SLC5A7: variants seen among roughly 807,000 people sequenced by gnomAD.
SLC5A7 encodes high affinity choline transporter 1.
A neutral mutation model predicts 55.4 loss-of-function variants in SLC5A7; 19 were observed. That is an observed-to-expected ratio of 0.34 (90% confidence interval 0.24 to 0.50). The LOEUF (loss-of-function observed/expected upper bound fraction) is 0.50. Among genes scored for constraint, SLC5A7 ranks in the 20% least tolerant of loss-of-function variants. SLC5A7 has a pLI of 0.98. For synonymous variants in SLC5A7, 265 were observed against 263.7 expected (o/e 1.00, Z -0.05); for missense variants, 506 against 705.3 (o/e 0.72, Z 3.20).
At chr2:108,007,173 C>T (rs746105018) in intron 7 of SLC5A7, among the ~76,000 whole-genome samples, 4 of 151,986 alleles carry the variant, frequency 2.6e-5, no homozygotes, top group African/African-American at 7.3e-5. Flanking sequence ...GCATCTTCTA[C>T]GTAGAGGTAA....
At chr2:108,002,659 T>C (rs947222001) in intron 6 of SLC5A7, among the ~76,000 whole-genome samples, 3 of 152,276 alleles carry the variant, frequency 2.0e-5, no homozygotes, top group Middle Eastern at 3.4e-3. Context: ...GACCAGATTT[T>C]ACGACTGTGC....
intron 3 of SLC5A7, 70 bp downstream of exon 3, chr2:107,992,289 G>A: frequency 4.6e-6 from 4 of 863,730 alleles, no homozygotes; most frequent in Admixed American, 2.3e-5. Context: ...AATAACAAGT[G>A]GAATAACAAG....
At position 108,001,983 on chromosome 2, in the gene SLC5A7, G is replaced by T; in HGVS notation, c.684G>T (p.Trp228Cys). 1 of 1,614,202 alleles carries T rather than the reference G, an allele frequency of 6.2e-7. No homozygotes were observed. The highest frequency in any genetic ancestry group is 8.5e-7 in the Non-Finnish European group (1 of 1,180,038). Reference sequence around the variant, plus strand: ...TGCATGCCAAATACCAAAAGCCGTGGCTGGGAACTGTTGACTCATCTGAAG... The same window carrying T: ...TGCATGCCAAATACCAAAAGCCGTGTCTGGGAACTGTTGACTCATCTGAAG... ...TAVHAKYQKPWLGTVDSSEVY... is the reference protein window; with the variant it reads ...TAVHAKYQKPCLGTVDSSEVY... Residue 228 changes from tryptophan to cysteine, a missense_variant, in exon 6 of 9, where the codon TGG becomes TGT. Transcript: ENST00000264047.
At chr2:107,991,533 G>A (rs530092364) in intron 2 of SLC5A7, among the ~76,000 whole-genome samples, 4 of 152,176 alleles carry the variant, frequency 2.6e-5, no homozygotes, top group Admixed American at 6.5e-5. Context: ...TCCCCAGAGT[G>A]TTCAAGAAAA....
At chr2:107,991,608 C>T (rs1014387189) in intron 2 of SLC5A7, among the ~76,000 whole-genome samples, 3 of 152,100 alleles carry the variant, frequency 2.0e-5, no homozygotes, top group Non-Finnish European at 4.4e-5. Flanking sequence ...CATGTGTACA[C>T]ACATGTACGT....
rs184842836 is a variant in SLC5A7, at chr2:107,999,482, A to T, written c.597+1496A>T. ...GTGCATAAATCAAGTATGCAAGTGTAAAGATGACAGTGCAAATATGTTAGA... is the reference window on the plus strand; with the variant it reads ...GTGCATAAATCAAGTATGCAAGTGTTAAGATGACAGTGCAAATATGTTAGA... On this transcript the variant is annotated intron_variant, in intron 5 of 8. Transcript: ENST00000264047. Among the ~76,000 whole-genome samples the T allele has an allele frequency of 5.6e-4, 85 of 152,216 alleles. 8 individuals carry two copies. The highest frequency in any genetic ancestry group is 2.4e-5 in the African/African-American group (1 of 41,470).
At position 108,008,783 on chromosome 2, in the gene SLC5A7, C is replaced by A. The variant is rs576732340; in HGVS notation, c.1113+101C>A. 3.3e-5 allele frequency: 27 copies of A among 807,248 alleles called. No individual in the cohort carries two copies. In the South Asian group the frequency reaches 6.7e-4, roughly 20 times the overall value. 50.0% of individuals were successfully genotyped at this position (807,248 alleles called of 1,614,324 possible). A position where few individuals can be genotyped will look rare whatever the true frequency, so the allele number is the denominator to read the frequency against. ...ACAGTATTATATATTTATTAATATT[C>A]TATGTTAAATCTGACTGTACTTTAA... On this transcript the variant is annotated intron_variant, in intron 8 of 8. Transcript: ENST00000264047.
intron 2 of SLC5A7, among the ~76,000 whole-genome samples, chr2:107,989,120 G>A (rs957264516): frequency 6.6e-6 from 1 of 152,062 alleles, no homozygotes; most frequent in Admixed American, 6.6e-5. Flanking sequence ...CTTCTTGGTC[G>A]TTGAAAATAA....
intron 2 of SLC5A7, among the ~76,000 whole-genome samples, chr2:107,991,343 A>G (rs892708533): frequency 6.6e-6 from 1 of 152,218 alleles, no homozygotes; most frequent in African/African-American, 2.4e-5. Flanking sequence ...GCAAGTATGT[A>G]TGCAGTTCAC....
intron 6 of SLC5A7, 80 bp downstream of exon 6, chr2:108,002,120 G>A (rs1332994523): frequency 9.3e-6 from 14 of 1,513,312 alleles, no homozygotes; most frequent in African/African-American, 1.4e-5. Flanking sequence ...CATATTCATA[G>A]TAAAAAAATG....
intron 5 of SLC5A7, among the ~76,000 whole-genome samples, chr2:108,001,250 T>C (rs2104362097): frequency 6.6e-6 from 1 of 151,960 alleles, no homozygotes; most frequent in South Asian, 2.1e-4. Flanking sequence ...CAGAGATAGA[T>C]AGATGATAGA....
intron 1 of SLC5A7, among the ~76,000 whole-genome samples, 168 bp downstream of exon 1, chr2:107,986,931 C>T (rs1055175083): frequency 5.9e-5 from 9 of 151,994 alleles, no homozygotes; most frequent in Admixed American, 5.9e-4. Flanking sequence ...GTGCAAGAGG[C>T]TACAAAGTCT....
At chr2:108,003,539 T>G (rs1677996641) in intron 6 of SLC5A7, among the ~76,000 whole-genome samples, 2 of 152,208 alleles carry the variant, frequency 1.3e-5, no homozygotes. Context: ...GTTGCATCAA[T>G]GGTCTTGATC....
chr2:107,991,462 ATAACT>A (rs1315091740), intron 2 of SLC5A7, among the ~76,000 whole-genome samples: 1 of 152,174 alleles, frequency 6.6e-6, no homozygotes, highest in Admixed American at 6.5e-5. Context: ...TTCACTCCTA[ATAACT>A]TAAGGTAGTA....
Position 108,013,492 on chromosome 2 carries a change from A to G in SLC5A7, c.*2631A>G, listed in dbSNP as rs1678419165. On this transcript the variant is annotated 3_prime_UTR_variant, in exon 9 of 9. Transcript: ENST00000264047. ...AATTTCCAAGACAGTTGTATCACAAAGCTGTGAAATGTGCAAGAGTATACT... is the reference window on the plus strand; with the variant it reads ...AATTTCCAAGACAGTTGTATCACAAGGCTGTGAAATGTGCAAGAGTATACT... 6.6e-6 allele frequency: 1 copy of G among 152,192 alleles called. No individual in the cohort carries two copies. The highest frequency in any genetic ancestry group is 1.5e-5 in the Non-Finnish European group (1 of 68,018). 9.4% of individuals were successfully genotyped at this position (152,192 alleles called of 1,614,324 possible). A position where few individuals can be genotyped will look rare whatever the true frequency, so the allele number is the denominator to read the frequency against.
chr2:108,002,545 GA>G (rs1294554128), intron 6 of SLC5A7, among the ~76,000 whole-genome samples: 1 of 152,172 alleles, frequency 6.6e-6, no homozygotes, highest in Non-Finnish European at 1.5e-5. Flanking sequence ...GAGGAAGCTT[GA>G]AAACAGGCAG....
chr2:108,010,464 G>C lies in SLC5A7; in HGVS notation c.1346G>C (p.Gly449Ala), dbSNP rs959697353. ...YVSGLFLRIT[G>A]GEPYLYLQPL... ...TCTGGCCTCTTCCTGAGAATAACTG[G>C]AGGGGAGCCATATCTGTATCTTCAG... The change falls in exon 9 of 9, where the codon GGA becomes GCA. Residue 449 changes from glycine (G) to alanine (A), a missense_variant. Transcript: ENST00000264047. The C allele has an allele frequency of 1.2e-6, 2 of 1,613,908 alleles. No individual in the cohort carries two copies. Among genetic ancestry groups the C allele is most frequent in the Non-Finnish European group, 1.7e-6 (2 of 1,179,932 alleles).
At chr2:108,000,567 C>G (rs333213) in intron 5 of SLC5A7, among the ~76,000 whole-genome samples, 63,881 of 151,980 alleles carry the variant, frequency 0.42, 14,190 homozygotes, top group African/African-American at 0.57. Context: ...CAAAGTGCTA[C>G]GATTATAGGC....
Position 108,002,053 on chromosome 2 carries a change from C to G in SLC5A7, c.741+13C>G. 1 of 1,606,042 alleles carries G rather than the reference C, an allele frequency of 6.2e-7. No homozygotes were observed. ...TTTTCTGTTGTTGGTAAGTAATGCT[C>G]TTACCTGAAGAATGTGATTTAATTG... On this transcript the variant is annotated intron_variant, in intron 6 of 8. Coordinates refer to ENST00000264047, the MANE Select transcript of SLC5A7 (RefSeq NM_021815.5).
Sources: gnomAD v4.1 joint callset for allele counts (sites outside exome capture counted in the v4.1 genomes callset) on GRCh38, gnomAD v4.1.1 for gene constraint, MANE v1.5 for transcripts, NCBI Gene and HGNC (gene_info 2026-07-23, HGNC 2026-07-21) for gene names.